Variants in KCNH7 observed in about 807,000 individuals in gnomAD.
KCNH7 encodes potassium voltage-gated channel subfamily H member 7, also known as voltage-gated inwardly rectifying potassium channel KCNH7.
In KCNH7, 49 loss-of-function variants were observed where a neutral mutation model predicts 120.8. That is an observed-to-expected ratio of 0.41 (90% CI 0.32 to 0.51). KCNH7 has a LOEUF of 0.51. Among genes scored for constraint, KCNH7 ranks in the 20% least tolerant of loss-of-function variants. The probability of loss-of-function intolerance (pLI) is 0.38; values close to 1 mark genes in which losing one functional copy is unlikely to be tolerated. For missense variants in KCNH7, 1,097 were observed against 1,446.6 expected (o/e 0.76, Z 3.92); for synonymous variants, 547 against 516.1 (o/e 1.06, Z -0.81).
chr2:162,656,963 C>T (rs1684785462), intron 2 of KCNH7, among the ~76,000 whole-genome samples: 2 of 152,192 alleles, frequency 1.3e-5, no homozygotes, highest in Admixed American at 6.5e-5. Context: ...GCTAAGGCAG[C>T]TTTAGCAGAT....
At chr2:162,469,337 C>G (rs1378402502) in intron 6 of KCNH7, among the ~76,000 whole-genome samples, 1 of 152,140 alleles carries the variant, frequency 6.6e-6, no homozygotes, top group Non-Finnish European at 1.5e-5. Flanking sequence ...GCTTTTGACC[C>G]TGTACCAGAA....
chr2:162,459,535 G>C (rs1387960982), intron 6 of KCNH7, among the ~76,000 whole-genome samples: 2 of 152,174 alleles, frequency 1.3e-5, no homozygotes, highest in East Asian at 1.9e-4. Context: ...ACAAGCAGGT[G>C]GATCTTTTCT....
chr2:162,831,172 T>C (rs1437242193), intron 2 of KCNH7, among the ~76,000 whole-genome samples: 1 of 152,156 alleles, frequency 6.6e-6, no homozygotes, highest in Non-Finnish European at 1.5e-5. Context: ...TTCAGTGTTA[T>C]TTCCACAAAA....
At chr2:162,560,797 A>G (rs894856179) in intron 2 of KCNH7, among the ~76,000 whole-genome samples, 1 of 152,232 alleles carries the variant, frequency 6.6e-6, no homozygotes, top group African/African-American at 2.4e-5. Flanking sequence ...TAGTTTTATT[A>G]CTACAAATAC....
At chr2:162,746,534 T>C (rs1252301289) in intron 2 of KCNH7, among the ~76,000 whole-genome samples, 2 of 152,100 alleles carry the variant, frequency 1.3e-5, no homozygotes, top group African/African-American at 4.8e-5. Context: ...ACTGCCAGAC[T>C]TTACACTTTT....
chr2:162,470,590 G>T (rs1298609279), intron 6 of KCNH7, among the ~76,000 whole-genome samples: 1 of 151,382 alleles, frequency 6.6e-6, no homozygotes, highest in Non-Finnish European at 1.5e-5. Context: ...GTCAGCCCCC[G>T]CCAGGCCGGC....
At chr2:162,641,232 T>A (rs978386476) in intron 2 of KCNH7, among the ~76,000 whole-genome samples, 1 of 152,172 alleles carries the variant, frequency 6.6e-6, no homozygotes, top group Non-Finnish European at 1.5e-5. Flanking sequence ...CTATTTATAA[T>A]AGCCAAAACC....
At chr2:162,625,957 T>C (rs2105206092) in intron 2 of KCNH7, among the ~76,000 whole-genome samples, 1 of 152,218 alleles carries the variant, frequency 6.6e-6, no homozygotes, top group Non-Finnish European at 1.5e-5. Context: ...ATTATGTCCA[T>C]CAAATGGAAT....
intron 10 of KCNH7, among the ~76,000 whole-genome samples, chr2:162,399,336 A>G (rs1687006144): frequency 6.6e-6 from 1 of 151,350 alleles, no homozygotes; most frequent in Non-Finnish European, 1.5e-5. Context: ...ATTTATTTTT[A>G]TTTTTATTAT....
chr2:162,539,920 T>C (rs1692246467), intron 2 of KCNH7, among the ~76,000 whole-genome samples: 1 of 152,114 alleles, frequency 6.6e-6, no homozygotes, highest in Non-Finnish European at 1.5e-5. Flanking sequence ...AGAAATATTT[T>C]AGCTTGGATA....
chr2:162,503,783 A>G (rs1036568450), intron 6 of KCNH7, among the ~76,000 whole-genome samples: 1 of 152,076 alleles, frequency 6.6e-6, no homozygotes, highest in Admixed American at 6.6e-5. Context: ...AATTCCCAAC[A>G]ATGTAAGTGC....
chr2:162,816,589 G>C (rs1180542846), intron 2 of KCNH7, among the ~76,000 whole-genome samples: 1 of 152,150 alleles, frequency 6.6e-6, no homozygotes, highest in East Asian at 1.9e-4. Flanking sequence ...AATGCAATTA[G>C]TTTAGATATA....
At chr2:162,586,967 C>T (rs554914827) in intron 2 of KCNH7, among the ~76,000 whole-genome samples, 11 of 152,182 alleles carry the variant, frequency 7.2e-5, no homozygotes, top group African/African-American at 2.6e-4. Flanking sequence ...TTATACACTG[C>T]ACACATATAT....
intron 2 of KCNH7, among the ~76,000 whole-genome samples, chr2:162,714,451 T>C (rs1372961907): frequency 6.6e-6 from 1 of 152,212 alleles, no homozygotes. Flanking sequence ...ACATTAACAA[T>C]ATTTCTAGTC....
chr2:162,689,274 C>A (rs1167476631), intron 2 of KCNH7, among the ~76,000 whole-genome samples: 1 of 152,044 alleles, frequency 6.6e-6, no homozygotes, highest in East Asian at 1.9e-4. Flanking sequence ...TCTCAGCTTC[C>A]TGAGTAGCTG....
intron 6 of KCNH7, among the ~76,000 whole-genome samples, chr2:162,465,424 T>C (rs1689274703): frequency 6.6e-6 from 1 of 152,182 alleles, no homozygotes; most frequent in East Asian, 1.9e-4. Flanking sequence ...AGATTTCCAA[T>C]ATAGAAATGT....
At chr2:162,442,318 G>C (rs117908602) in intron 7 of KCNH7, among the ~76,000 whole-genome samples, 1 of 151,648 alleles carries the variant, frequency 6.6e-6, no homozygotes, top group South Asian at 2.1e-4. Context: ...GAGCCACTGC[G>C]CCCGGCCGTG....
chr2:162,442,735 T>C (rs191683742), intron 7 of KCNH7, among the ~76,000 whole-genome samples: 127 of 152,188 alleles, frequency 8.3e-4, no homozygotes, highest in African/African-American at 2.9e-3. Flanking sequence ...TGTCTGCCTG[T>C]AGTCCCAGCT....
At chr2:162,474,769 T>G (rs1689678175) in intron 6 of KCNH7, among the ~76,000 whole-genome samples, 1 of 147,546 alleles carries the variant, frequency 6.8e-6, no homozygotes, top group South Asian at 2.2e-4. Flanking sequence ...GAGGATCATC[T>G]GAGGCAGCCA....
Sources: gnomAD v4.1 joint callset for allele counts (sites outside exome capture counted in the v4.1 genomes callset) on GRCh38, gnomAD v4.1.1 for gene constraint, MANE v1.5 for transcripts, NCBI Gene and HGNC (gene_info 2026-07-23, HGNC 2026-07-21) for gene names.